The following CADPS2 variants were observed in gnomAD, a reference collection of about 807,000 sequenced individuals.
CADPS2 encodes calcium dependent secretion activator 2, also known as calcium-dependent secretion activator 2.
CADPS2 carries 93 observed loss-of-function variants against 172.5 expected under a neutral mutation model. That is an observed-to-expected ratio of 0.54 (90% CI 0.46 to 0.64). The LOEUF (loss-of-function observed/expected upper bound fraction) is 0.64, where lower values mean the gene tolerates loss of function less well. Among genes scored for constraint, CADPS2 ranks in the 30% least tolerant of loss-of-function variants. The probability of loss-of-function intolerance (pLI) is 0.00; values close to 1 mark genes in which losing one functional copy is unlikely to be tolerated. For synonymous variants in CADPS2, 546 were observed against 555.2 expected, an observed-to-expected ratio of 0.98 and a Z score of 0.23; for missense variants, 1,420 against 1,565.9, an observed-to-expected ratio of 0.91 and a Z score of 1.57.
At chr7:122,518,787 T>C (rs1337210233) in intron 8 of CADPS2, among the ~76,000 whole-genome samples, 1 of 152,086 alleles carries the variant, frequency 6.6e-6, no homozygotes, top group Non-Finnish European at 1.5e-5. Context: ...TGACAATTTA[T>C]GATGTTATCC....
At chr7:122,569,787 T>C (rs2066969585) in intron 7 of CADPS2, among the ~76,000 whole-genome samples, 1 of 145,994 alleles carries the variant, frequency 6.8e-6, no homozygotes, top group African/African-American at 2.6e-5. Context: ...GGGGAAAGGA[T>C]TCCCTATTTA....
intron 7 of CADPS2, among the ~76,000 whole-genome samples, chr7:122,580,434 C>G (rs1441354135): frequency 7.5e-6 from 1 of 132,956 alleles, no homozygotes; most frequent in Non-Finnish European, 1.6e-5. Flanking sequence ...GCCTGGGCAA[C>G]AGAGCAAGAT....
At chr7:122,341,723 C>G (rs1384778419) in intron 28 of CADPS2, among the ~76,000 whole-genome samples, 1 of 152,062 alleles carries the variant, frequency 6.6e-6, no homozygotes, top group Non-Finnish European at 1.5e-5. Context: ...ATGTTTTAAC[C>G]TAAAAATAGG....
intron 14 of CADPS2, among the ~76,000 whole-genome samples, chr7:122,463,311 T>G (rs2054697113): frequency 6.9e-6 from 1 of 144,826 alleles, no homozygotes; most frequent in East Asian, 2.0e-4. Flanking sequence ...ACCAAAAATC[T>G]TCATATTCTT....
chr7:122,710,816 G>A (rs59910018), intron 2 of CADPS2, among the ~76,000 whole-genome samples: 4 of 151,912 alleles, frequency 2.6e-5, no homozygotes, highest in Admixed American at 2.6e-4. Flanking sequence ...TATATAATTA[G>A]AGGCATATAT....
chr7:122,344,427 G>T (rs986274665), intron 28 of CADPS2, among the ~76,000 whole-genome samples: 4 of 152,150 alleles, frequency 2.6e-5, no homozygotes, highest in African/African-American at 9.7e-5. Flanking sequence ...TGACTGCTCT[G>T]TTAGTCTCCT....
At chr7:122,700,375 A>G (rs1319033692) in intron 2 of CADPS2, among the ~76,000 whole-genome samples, 3 of 152,182 alleles carry the variant, frequency 2.0e-5, no homozygotes, top group Non-Finnish European at 4.4e-5. Flanking sequence ...AACTAGTATA[A>G]AAAGAATACT....
chr7:122,765,645 T>C (rs2093525660), intron 1 of CADPS2, among the ~76,000 whole-genome samples: 1 of 152,170 alleles, frequency 6.6e-6, no homozygotes, highest in African/African-American at 2.4e-5. Context: ...GTCCTCTATA[T>C]AGAGGACTGT....
intron 1 of CADPS2, among the ~76,000 whole-genome samples, chr7:122,785,867 C>T (rs1022946546): frequency 3.9e-5 from 6 of 152,174 alleles, no homozygotes. Context: ...CATTTCCTCT[C>T]CCGAAAGCCC....
chr7:122,609,305 C>T (rs1053367022), intron 6 of CADPS2, among the ~76,000 whole-genome samples: 1 of 152,076 alleles, frequency 6.6e-6, no homozygotes, highest in African/African-American at 2.4e-5. Flanking sequence ...TCCTACTATC[C>T]CTCCATTTCC....
At chr7:122,438,046 TG>T (rs2050868163) in intron 17 of CADPS2, among the ~76,000 whole-genome samples, 1 of 152,084 alleles carries the variant, frequency 6.6e-6, no homozygotes, top group South Asian at 2.1e-4. Context: ...CTTAAAGTAC[TG>T]CCAAAAAATA....
At position 122,770,537 on chromosome 7, in the gene CADPS2, T is replaced by C. The variant is rs146566929; in HGVS notation, c.340-33469A>G. On this transcript the variant is annotated intron_variant, in intron 1 of 29. Transcript: ENST00000449022. ...CCTGACCCCACTCCCCTGAACTCAGTACTTATGGGAGAATAAGATACTTTT... is the reference window on the plus strand; with the variant it reads ...CCTGACCCCACTCCCCTGAACTCAGCACTTATGGGAGAATAAGATACTTTT... 2.6e-4 allele frequency among the ~76,000 whole-genome samples: 40 copies of C among 152,226 alleles called. 1 individual carries two copies. In the East Asian group the frequency reaches 7.0e-3, roughly 26 times the overall value.
At chr7:122,810,948 C>CTT (rs1355812449) in intron 1 of CADPS2, among the ~76,000 whole-genome samples, 3 of 152,280 alleles carry the variant, frequency 2.0e-5, no homozygotes, top group East Asian at 3.9e-4. Context: ...TTGCCTCCTA[C>CTT]TTCTGTTAAT....
chr7:122,725,047 G>A (rs1415384275), intron 2 of CADPS2, among the ~76,000 whole-genome samples: 3 of 152,072 alleles, frequency 2.0e-5, no homozygotes, highest in Non-Finnish European at 2.9e-5. Context: ...GAGTAATGTA[G>A]TTTCGGTGTA....
chr7:122,677,558 A>G (rs2135718790), intron 2 of CADPS2, among the ~76,000 whole-genome samples: 1 of 152,214 alleles, frequency 6.6e-6, no homozygotes, highest in East Asian at 1.9e-4. Flanking sequence ...GTATTTTGCA[A>G]ATAGCTAAAA....
intron 1 of CADPS2, among the ~76,000 whole-genome samples, chr7:122,777,399 C>T (rs2093917860): frequency 6.6e-6 from 1 of 152,124 alleles, no homozygotes; most frequent in Non-Finnish European, 1.5e-5. Context: ...AAAAAGGCGA[C>T]ACCTTGTAAC....
chr7:122,549,603 A>G (rs964998512), intron 8 of CADPS2, among the ~76,000 whole-genome samples: 2 of 151,092 alleles, frequency 1.3e-5, no homozygotes, highest in African/African-American at 4.9e-5. Context: ...CCTGGGCGAC[A>G]GAGTGAGACT....
At chr7:122,689,357 A>G (rs979705989) in intron 2 of CADPS2, among the ~76,000 whole-genome samples, 1 of 152,198 alleles carries the variant, frequency 6.6e-6, no homozygotes, top group African/African-American at 2.4e-5. Flanking sequence ...CCGGTTTTGT[A>G]GCACCACCTT....
At chr7:122,873,831 T>C (rs988227694) in intron 1 of CADPS2, among the ~76,000 whole-genome samples, 1 of 152,164 alleles carries the variant, frequency 6.6e-6, no homozygotes, top group African/African-American at 2.4e-5. Context: ...CTCCAACATC[T>C]ATTGTTTCCT....
Sources: allele counts gnomAD v4.1 joint callset (sites outside exome capture counted in the v4.1 genomes callset), GRCh38; gene constraint gnomAD v4.1.1; transcripts MANE v1.5; gene names NCBI Gene and HGNC (gene_info 2026-07-23, HGNC 2026-07-21).